The following PAK4 variants were observed in gnomAD, a reference collection of about 807,000 sequenced individuals.
The protein encoded by PAK4 is serine/threonine-protein kinase PAK 4.
Under a neutral mutation model 53.5 loss-of-function variants are expected in PAK4, and 49 were observed. The ratio of observed to expected loss-of-function variants is 0.92; its 90% CI spans 0.73 to 1.16. PAK4 has a LOEUF of 1.16. Among genes scored for constraint, PAK4 ranks in the 50% most tolerant of loss-of-function variants. The pLI is 0.00. For missense variants in PAK4, 824 were observed against 850.7 expected, an observed-to-expected ratio of 0.97 and a Z score of 0.39; for synonymous variants, 376 against 375.6, an observed-to-expected ratio of 1.00 and a Z score of -0.01.
intron 1 of PAK4, among the ~76,000 whole-genome samples, chr19:39,145,994 T>C (rs1363531418): frequency 6.6e-6 from 1 of 152,204 alleles, no homozygotes; most frequent in African/African-American, 2.4e-5. Context: ...AGTTTCCCCA[T>C]TTGTAAAATG....
chr19:39,175,935 T>C lies in PAK4; in HGVS notation c.1359+497T>C, dbSNP rs996923699. 1.3e-5 allele frequency among the ~76,000 whole-genome samples: 2 copies of C among 152,192 alleles called. No homozygotes were observed. Among genetic ancestry groups the C allele is most frequent in the Non-Finnish European group, 2.9e-5 (2 of 68,028 alleles). ...ACTCCATCCCCTCCCCCAAGGAAGA[T>C]TAAGCCACACCATTAGTCCAGGCAG... On this transcript the variant is annotated intron_variant, in intron 6 of 8. Transcript: ENST00000358301. The surrounding 1 kb of genome is among the most constrained non-coding windows in gnomAD (Gnocchi z 4.7).
intron 1 of PAK4, among the ~76,000 whole-genome samples, chr19:39,149,546 C>A (rs1290685431): frequency 6.6e-6 from 1 of 152,118 alleles, no homozygotes; most frequent in Non-Finnish European, 1.5e-5. Flanking sequence ...CATAGTGAGA[C>A]CCGGTCTCTT....
chr19:39,127,735 C>T (rs1220469947), intron 1 of PAK4, among the ~76,000 whole-genome samples: 2 of 152,148 alleles, frequency 1.3e-5, no homozygotes, highest in Non-Finnish European at 2.9e-5. Context: ...TCTCTGCAAA[C>T]GGTGATGTGG....
chr19:39,152,047 C>G (rs368532654), intron 1 of PAK4: 2 of 152,160 alleles, frequency 1.3e-5, no homozygotes, highest in Admixed American at 1.3e-4. Context: ...TGAGCCACTG[C>G]GCCGGCCCAA....
At chr19:39,155,319 C>T (rs148400738) in intron 1 of PAK4, among the ~76,000 whole-genome samples, 89 of 152,262 alleles carry the variant, frequency 5.8e-4, no homozygotes, top group Non-Finnish European at 1.1e-3. Context: ...GTGCCTGGAG[C>T]TCAGTGAATG....
chr19:39,149,136 G>T (rs901111271), intron 1 of PAK4, among the ~76,000 whole-genome samples: 2 of 152,132 alleles, frequency 1.3e-5, no homozygotes, highest in Non-Finnish European at 2.9e-5. Flanking sequence ...CAGCAATTCC[G>T]CTCCCAACTG....
chr19:39,177,422 T>C (rs1012772002), intron 7 of PAK4, among the ~76,000 whole-genome samples: 3 of 150,516 alleles, frequency 2.0e-5, no homozygotes, highest in Admixed American at 6.6e-5. Flanking sequence ...CTACCTGGGC[T>C]GAGGGAGGGA....
chr19:39,126,463 C>CGGGGGGG, intron 1 of PAK4, among the ~76,000 whole-genome samples: 1 of 67,040 alleles, frequency 1.5e-5, no homozygotes, highest in African/African-American at 6.2e-5. Flanking sequence ...GGGGGGGGGC[C>CGGGGGGG]GGGTCAGAGA....
intron 1 of PAK4, among the ~76,000 whole-genome samples, chr19:39,155,557 A>G (rs752238491): frequency 2.0e-5 from 3 of 152,188 alleles, no homozygotes; most frequent in Admixed American, 6.5e-5. Context: ...CAGTGTTCAC[A>G]GGAGAAACAG....
chr19:39,166,569 G>T lies in PAK4; in HGVS notation c.-22-2963G>T, dbSNP rs1381866011. Among the ~76,000 whole-genome samples the T allele has an allele frequency of 2.6e-5, 4 of 152,358 alleles. No homozygotes were observed. In the East Asian group the frequency reaches 7.7e-4, roughly 29 times the overall value. On this transcript the variant is annotated intron_variant, in intron 1 of 8. Coordinates refer to ENST00000358301, the Ensembl canonical transcript of PAK4. ...CCACATATTGAGGTCCCCAGGTTGG[G>T]TTAGAGCTCCAGTTCACAGACACAG...
In PAK4 at chr19:39,173,804, C is replaced by T. The variant is rs1384433742; in HGVS notation, c.892C>T (p.Arg298Ter). The T allele has an allele frequency of 5.6e-6, 9 of 1,610,642 alleles. No homozygotes were observed. Among genetic ancestry groups the T allele is most frequent in the Non-Finnish European group, 7.6e-6 (9 of 1,179,282 alleles). ...CCGCTCACCACAGCGGGAGCCACAG[C>T]GAGTATCCCATGAGCAGTTCCGGGC... Residue 298 changes from arginine (R) to a stop codon, truncating the protein, a stop_gained, in exon 4 of 9, where the codon CGA becomes TGA. Coordinates refer to ENST00000358301, the Ensembl canonical transcript of PAK4. LOFTEE classifies it high-confidence loss of function. The surrounding 1 kb of genome is among the most constrained non-coding windows in gnomAD (Gnocchi z 6.9).
rs1189702999 is a variant in PAK4, at chr19:39,173,339, C to T, written c.626C>T (p.Pro209Leu). ...GCTGGCCGGCCCTTTAACACCTACC[C>T]GAGGGCTGACACGGACCACCCATCC... The change falls in exon 3 of 9, where the codon CCG becomes CTG. Residue 209 changes from proline (P) to leucine (L), a missense_variant. Pro to Leu is a moderately conservative substitution (Grantham distance 98, BLOSUM62 -3). Around this residue, in one of 2 missense-constraint regions of PAK4, gnomAD observed 478 missense variants for 435.8 expected, o/e 1.10. Transcript: ENST00000358301. The surrounding 1 kb of genome is among the most constrained non-coding windows in gnomAD (Gnocchi z 6.9). The T allele has an allele frequency of 3.8e-6, 6 of 1,569,748 alleles. No homozygotes were observed. The highest frequency in any genetic ancestry group is 2.3e-5 in the East Asian group (1 of 44,180).
rs1285937054 is a variant in PAK4, at chr19:39,178,739, C to G, written c.*160C>G. ...TAGATGAGACCCTACTACTGAACTC[C>G]AGTTTTGATCTCGTGACTTTTAGAA... On this transcript the variant is annotated 3_prime_UTR_variant, in exon 9 of 9. Transcript: ENST00000358301. This position sits in a 1 kb window ranked among gnomAD's most constrained non-coding sequence, Gnocchi z 4.4. 3 of 580,618 alleles carry G rather than the reference C, an allele frequency of 5.2e-6. No homozygotes were observed. The highest frequency in any genetic ancestry group is 2.0e-5 in the African/African-American group (1 of 50,624). 36.0% of individuals were successfully genotyped at this position (580,618 alleles called of 1,614,324 possible). A position where few individuals can be genotyped will look rare whatever the true frequency, so the allele number is the denominator to read the frequency against.
intron 1 of PAK4, among the ~76,000 whole-genome samples, chr19:39,159,900 C>T (rs927690959): frequency 3.3e-5 from 5 of 152,220 alleles, no homozygotes; most frequent in African/African-American, 1.2e-4. Flanking sequence ...AGGCGTCCCC[C>T]CCACTGGATC....
chr19:39,155,460 T>A (rs1482616242), intron 1 of PAK4, among the ~76,000 whole-genome samples: 3 of 151,928 alleles, frequency 2.0e-5, no homozygotes, highest in Non-Finnish European at 4.4e-5. Context: ...CAGGGAGGGC[T>A]TCGTGGAGGA....
intron 1 of PAK4, among the ~76,000 whole-genome samples, chr19:39,130,197 GAGC>G: frequency 1.5e-5 from 2 of 137,348 alleles, no homozygotes; most frequent in Non-Finnish European, 3.2e-5. Flanking sequence ...GGCGGGATGG[GAGC>G]GGGGACCCAG....
intron 1 of PAK4, 69 bp downstream of exon 1, chr19:39,125,988 A>G (rs1445238153): frequency 6.6e-6 from 1 of 152,620 alleles, no homozygotes; most frequent in East Asian, 1.9e-4. Context: ...CGTTTCCGCG[A>G]GGAGGGGGGC....
intron 1 of PAK4, among the ~76,000 whole-genome samples, chr19:39,133,200 G>A (rs1353438403): frequency 6.6e-6 from 1 of 152,240 alleles, no homozygotes; most frequent in Non-Finnish European, 1.5e-5. Flanking sequence ...TCTGTAAAAT[G>A]AGGGTGCTAA....
intron 6 of PAK4, among the ~76,000 whole-genome samples, chr19:39,176,334 C>T (rs762653417): frequency 1.3e-5 from 2 of 152,210 alleles, no homozygotes; most frequent in Non-Finnish European, 2.9e-5. Context: ...AGGCCAGTGT[C>T]CCCAAAAGCC....
Sources: allele counts gnomAD v4.1 joint callset (sites outside exome capture counted in the v4.1 genomes callset), GRCh38; gene constraint gnomAD v4.1.1; regional missense constraint gnomAD v4.1.1; non-coding constraint Gnocchi (gnomAD v3.1); transcripts MANE v1.5; gene names NCBI Gene and HGNC (gene_info 2026-07-23, HGNC 2026-07-21).